The following FZD3 variants were observed in gnomAD, a reference collection of about 807,000 sequenced individuals.
The protein encoded by FZD3 is frizzled-3.
FZD3 carries 30 observed loss-of-function variants against 60.7 expected under a neutral mutation model. That is an observed-to-expected ratio of 0.49 (90% CI 0.37 to 0.67). The LOEUF (loss-of-function observed/expected upper bound fraction) is 0.67. FZD3 is among the 30% of genes least tolerant of loss of function. FZD3 has a pLI of 0.00. For synonymous variants in FZD3, 246 were observed against 275.2 expected, an observed-to-expected ratio of 0.89 and a Z score of 1.05; for missense variants, 605 against 838.7, an observed-to-expected ratio of 0.72 and a Z score of 3.44.
chr8:28,528,696 G>A (rs1330615412), intron 5 of FZD3, among the ~76,000 whole-genome samples: 1 of 152,094 alleles, frequency 6.6e-6, no homozygotes, highest in Non-Finnish European at 1.5e-5. Flanking sequence ...AAGAACTTTA[G>A]AGATCATTTA....
rs1169975234 is a variant in FZD3, at chr8:28,573,396, T to C, written c.*10385T>C. 2.6e-5 allele frequency: 4 copies of C among 152,076 alleles called. No individual in the cohort carries two copies. Among genetic ancestry groups the C allele is most frequent in the African/African-American group, 9.7e-5 (4 of 41,412 alleles). 9.4% of individuals were successfully genotyped at this position (152,076 alleles called of 1,614,324 possible). On this transcript the variant is annotated 3_prime_UTR_variant, in exon 8 of 8. Coordinates refer to ENST00000240093, the MANE Select transcript of FZD3 (RefSeq NM_017412.4). ...TGGAAATAATTTAAATTAGTGTTGA[T>C]GGGACTATTTTGAGGCAAGAGATAC... is the stretch of plus-strand genomic sequence containing the variant.
chr8:28,503,326 A>G (rs1034952895), intron 3 of FZD3, 124 bp downstream of exon 3: 4 of 528,924 alleles, frequency 7.6e-6, no homozygotes, highest in Middle Eastern at 5.1e-4. Flanking sequence ...ATTATATCTT[A>G]TAAATTTAAA....
chr8:28,503,669 T>C (rs571980273), intron 3 of FZD3, among the ~76,000 whole-genome samples: 12 of 152,236 alleles, frequency 7.9e-5, no homozygotes, highest in Non-Finnish European at 1.6e-4. Flanking sequence ...TTAATTGATA[T>C]AGTTAATAAT....
Position 28,565,474 on chromosome 8 carries a change from C to T in FZD3, c.*2463C>T, listed in dbSNP as rs377489107. Reference sequence around the variant, plus strand: ...AAAAATAAGTTAAAATAGAAGGTACCAGTTTGGGCTCGAAGATGTTGTCAT... The same window carrying T: ...AAAAATAAGTTAAAATAGAAGGTACTAGTTTGGGCTCGAAGATGTTGTCAT... On this transcript the variant is annotated 3_prime_UTR_variant, in exon 8 of 8. Coordinates refer to ENST00000240093, the MANE Select transcript of FZD3 (RefSeq NM_017412.4). The T allele has an allele frequency of 6.6e-6, 1 of 152,036 alleles. No individual in the cohort carries two copies. The highest frequency in any genetic ancestry group is 2.1e-4 in the South Asian group (1 of 4,826). The allele number at this position is 152,036 out of a possible 1,614,324, so 9.4% of individuals were successfully genotyped here. A position where few individuals can be genotyped will look rare whatever the true frequency, so the allele number is the denominator to read the frequency against.
At position 28,571,835 on chromosome 8, in the gene FZD3, ATTATC is replaced by A. The variant is rs977488097; in HGVS notation, c.*8832_*8836del. 21 of 152,270 alleles carry A rather than the reference ATTATC, an allele frequency of 1.4e-4. No homozygotes were observed. The highest frequency in any genetic ancestry group is 3.6e-4 in the African/African-American group (15 of 41,554). The allele number at this position is 152,270 out of a possible 1,614,324, so 9.4% of individuals were successfully genotyped here. A position where few individuals can be genotyped will look rare whatever the true frequency, so the allele number is the denominator to read the frequency against. ...AGTTTGACAACTCAAAAACGATTAAATTATCTTATCTTGTTATTTAATAGAACAAT... is the reference window on the plus strand; with the variant it reads ...AGTTTGACAACTCAAAAACGATTAAATTATCTTGTTATTTAATAGAACAAT... On this transcript the variant is annotated 3_prime_UTR_variant, in exon 8 of 8. Transcript: ENST00000240093.
intron 3 of FZD3, among the ~76,000 whole-genome samples, chr8:28,508,998 C>G (rs1804214606): frequency 6.6e-6 from 1 of 151,774 alleles, no homozygotes; most frequent in Non-Finnish European, 1.5e-5. Context: ...CCTTTAGGGA[C>G]AAAGATTTCT....
At chr8:28,523,101 T>A (rs1585967632) in intron 4 of FZD3, among the ~76,000 whole-genome samples, 1 of 152,154 alleles carries the variant, frequency 6.6e-6, no homozygotes, top group African/African-American at 2.4e-5. Flanking sequence ...ACCTTTTTAT[T>A]CTTTCATAGC....
chr8:28,562,640 A>G (rs962933232), intron 7 of FZD3, among the ~76,000 whole-genome samples, 158 bp from the exon 8 acceptor site: 7 of 152,232 alleles, frequency 4.6e-5, no homozygotes, highest in Non-Finnish European at 7.3e-5. Context: ...ATAATTCTAC[A>G]GTGTTAACGA....
Position 28,570,747 on chromosome 8 carries a change from A to G in FZD3, c.*7736A>G, listed in dbSNP as rs1805792727. The G allele has an allele frequency of 6.6e-6, 1 of 152,140 alleles. No homozygotes were observed. The highest frequency in any genetic ancestry group is 1.5e-5 in the Non-Finnish European group (1 of 68,074). 9.4% of individuals were successfully genotyped at this position (152,140 alleles called of 1,614,324 possible). On this transcript the variant is annotated 3_prime_UTR_variant, in exon 8 of 8. Coordinates refer to ENST00000240093, the MANE Select transcript of FZD3 (RefSeq NM_017412.4). The stretch of plus-strand genomic sequence containing the variant: ...AAGGAAGTTCCTGTTACCTTTGAAA[A>G]TCATTGTGTTTGCTCTGATTGTCTA...
intron 3 of FZD3, among the ~76,000 whole-genome samples, chr8:28,512,308 G>T (rs983442234): frequency 6.6e-6 from 1 of 151,954 alleles, no homozygotes; most frequent in African/African-American, 2.4e-5. Context: ...TGTTGTACTT[G>T]ATCCATTGTT....
intron 3 of FZD3, among the ~76,000 whole-genome samples, chr8:28,510,901 G>C (rs1310124314): frequency 6.6e-6 from 1 of 151,616 alleles, no homozygotes; most frequent in Non-Finnish European, 1.5e-5. Context: ...GCCGGGCGTG[G>C]TGGTGGGCAC....
chr8:28,517,418 A>C (rs781177090), intron 3 of FZD3, among the ~76,000 whole-genome samples: 2 of 152,030 alleles, frequency 1.3e-5, no homozygotes, highest in African/African-American at 2.4e-5. Context: ...GTTTTCTTGT[A>C]TTTATCCTTC....
intron 5 of FZD3, among the ~76,000 whole-genome samples, chr8:28,548,270 A>AT (rs1805341401): frequency 6.6e-6 from 1 of 151,704 alleles, no homozygotes; most frequent in Non-Finnish European, 1.5e-5. Context: ...TTTGTTGTTA[A>AT]TTTTTTTCTT....
chr8:28,497,669 A>G (rs924364376), intron 1 of FZD3, among the ~76,000 whole-genome samples: 1 of 152,246 alleles, frequency 6.6e-6, no homozygotes, highest in East Asian at 1.9e-4. Flanking sequence ...TGAAATCTCA[A>G]CAGAATGATG....
chr8:28,496,445 GT>G (rs372114479), intron 1 of FZD3, among the ~76,000 whole-genome samples: 4 of 151,560 alleles, frequency 2.6e-5, no homozygotes, highest in Admixed American at 6.6e-5. Context: ...GTTCTTTTTG[GT>G]TTTTTTTGTT....
At chr8:28,539,004 T>C (rs1164354023) in intron 5 of FZD3, among the ~76,000 whole-genome samples, 2 of 152,088 alleles carry the variant, frequency 1.3e-5, no homozygotes, top group African/African-American at 4.8e-5. Flanking sequence ...GAACAGTTTT[T>C]AGTTCTTACT....
In FZD3 at chr8:28,571,600, T is replaced by TC. The variant is rs1252131027; in HGVS notation, c.*8590dup. On this transcript the variant is annotated 3_prime_UTR_variant, in exon 8 of 8. Transcript: ENST00000240093. ...TTTATAATATTTAACTTCCCTAGAA[T>TC]CACCCCATTTCATGTCTTTAACCCC... 5 of 152,200 alleles carry TC rather than the reference T, an allele frequency of 3.3e-5. No homozygotes were observed. 9.4% of individuals were successfully genotyped at this position (152,200 alleles called of 1,614,324 possible). A position where few individuals can be genotyped will look rare whatever the true frequency, so the allele number is the denominator to read the frequency against.
chr8:28,511,347 G>A (rs994232452), intron 3 of FZD3, among the ~76,000 whole-genome samples: 3 of 152,046 alleles, frequency 2.0e-5, no homozygotes, highest in Non-Finnish European at 4.4e-5. Flanking sequence ...TTAGCTGGGC[G>A]TGGTGGCGTG....
At chr8:28,555,998 TTTC>T (rs1180945812) in intron 7 of FZD3, 27 bp downstream of exon 7, 1 of 1,383,858 alleles carries the variant, frequency 7.2e-7, no homozygotes, top group South Asian at 1.2e-5. Context: ...GTGTAGTTTA[TTTC>T]ATAAGCTGAA....
Sources: gnomAD v4.1 joint callset for allele counts (sites outside exome capture counted in the v4.1 genomes callset) on GRCh38, gnomAD v4.1.1 for gene constraint, MANE v1.5 for transcripts, NCBI Gene and HGNC (gene_info 2026-07-23, HGNC 2026-07-21) for gene names.